Variants in BAG2 observed in about 807,000 individuals in gnomAD.
The protein encoded by BAG2 is BAG family molecular chaperone regulator 2.
In BAG2, 8 loss-of-function variants were observed where a neutral mutation model predicts 16.4. The ratio of observed to expected loss-of-function variants is 0.49; its 90% CI spans 0.29 to 0.88. The LOEUF is 0.88. Among genes scored for constraint, BAG2 ranks in the 40% least tolerant of loss-of-function variants. The pLI is 0.09. For synonymous variants in BAG2, 82 were observed against 89.2 expected (o/e 0.92, Z 0.46); for missense variants, 218 against 248.9 (o/e 0.88, Z 0.84).
At chr6:57,174,131 A>T (rs1764210339) in intron 1 of BAG2, 1 of 969,138 alleles carries the variant, frequency 1.0e-6, no homozygotes, top group Admixed American at 4.2e-5. Flanking sequence ...CTCCCAGAAA[A>T]AGTAGAGCGA....
rs777618296 is a variant in BAG2, at chr6:57,184,005, G to A, written c.451G>A (p.Val151Ile). Residue 151 changes from valine to isoleucine, a missense_variant, in exon 3 of 3, where the codon GTT becomes ATT. Physicochemically the swap from Val to Ile is conservative, Grantham distance 29 (BLOSUM62 3). This residue lies in a region of BAG2 where 113 missense variants were observed against 128.0 expected (regional missense o/e 0.88). Coordinates refer to ENST00000370693, the MANE Select transcript of BAG2 (RefSeq NM_004282.4). ...ACSSEVPHGP[V>I]DQKFQSIVIG... ...TTCATCTGAGGTGCCACATGGGCCA[G>A]TTGATCAGAAGTTTCAATCCATAGT... 13 of 1,612,674 alleles carry A rather than the reference G, an allele frequency of 8.1e-6. No individual in the cohort carries two copies. The highest frequency in any genetic ancestry group is 5.3e-5 in the African/African-American group (4 of 74,866).
At position 57,172,810 on chromosome 6, in the gene BAG2, G is replaced by A; in HGVS notation, c.113G>A (p.Arg38Lys). The part of the protein sequence containing the change: ...LLESLDQLEL[R>K]VEALREAATA... ...GAGAGCCTGGACCAGCTGGAGCTCAGGTGAGCTCCGGGCGGGCGGTCTCGG... is the reference window on the plus strand; with the variant it reads ...GAGAGCCTGGACCAGCTGGAGCTCAAGTGAGCTCCGGGCGGGCGGTCTCGG... Residue 38 changes from arginine to lysine, a missense_variant and splice_region_variant, in exon 1 of 3, where the codon AGG becomes AAG. Physicochemically the swap from Arg to Lys is conservative, Grantham distance 26 (BLOSUM62 2). Transcript: ENST00000370693. The A allele has an allele frequency of 2.3e-5, 35 of 1,527,434 alleles. No homozygotes were observed. Among genetic ancestry groups the A allele is most frequent in the Non-Finnish European group, 3.1e-5 (35 of 1,136,672 alleles). The allele number at this position is 1,527,434 out of a possible 1,614,324, so 94.6% of individuals were successfully genotyped here.
At chr6:57,173,723 A>T (rs1275585682) in intron 1 of BAG2, 1 of 183,732 alleles carries the variant, frequency 5.4e-6, no homozygotes, top group Non-Finnish European at 1.0e-5. Context: ...TTAAAAGAAA[A>T]TCTTGTTAGG....
intron 1 of BAG2, among the ~76,000 whole-genome samples, chr6:57,179,959 T>TAAAAAAAAAAAAAA (rs199881391): frequency 1.2e-4 from 17 of 144,374 alleles, no homozygotes; most frequent in African/African-American, 3.6e-4. Flanking sequence ...GACCTTTTCT[T>TAAAAAAAAAAAAAA]AAAAAAAAAA....
At position 57,172,535 on chromosome 6, in the gene BAG2, T is replaced by C; in HGVS notation, c.-163T>C. On this transcript the variant is annotated 5_prime_UTR_variant, in exon 1 of 3. Coordinates refer to ENST00000370693, the MANE Select transcript of BAG2 (RefSeq NM_004282.4). Reference sequence around the variant, plus strand: ...CGCGCCTGCCCTTCTTTGGCTACGCTGCAGCCGCGGTGTCGGCGAGTCCTC... The same window carrying C: ...CGCGCCTGCCCTTCTTTGGCTACGCCGCAGCCGCGGTGTCGGCGAGTCCTC... 1.9e-6 allele frequency: 1 copy of C among 520,962 alleles called. No individual in the cohort carries two copies. The highest frequency in any genetic ancestry group is 3.2e-6 in the Non-Finnish European group (1 of 309,322). The allele number at this position is 520,962 out of a possible 1,614,324, so 32.3% of individuals were successfully genotyped here.
At position 57,172,410 on chromosome 6, in the gene BAG2, C is replaced by A. The variant is rs1040453298; in HGVS notation, c.-288C>A. ...GAGACTTGCGCTCCCCAGGCCCGAGCCCCTGTCGGCCCATCCTCGAGCCCG... is the reference window on the plus strand; with the variant it reads ...GAGACTTGCGCTCCCCAGGCCCGAGACCCTGTCGGCCCATCCTCGAGCCCG... On this transcript the variant is annotated 5_prime_UTR_variant, in exon 1 of 3. Transcript: ENST00000370693. 3.1e-5 allele frequency: 7 copies of A among 228,036 alleles called. No homozygotes were observed. The highest frequency in any genetic ancestry group is 1.6e-4 in the African/African-American group (7 of 43,880). 14.1% of individuals were successfully genotyped at this position (228,036 alleles called of 1,614,324 possible). A position where few individuals can be genotyped will look rare whatever the true frequency, so the allele number is the denominator to read the frequency against.
chr6:57,184,035 G>A lies in BAG2; in HGVS notation c.481G>A (p.Gly161Ser). The change falls in exon 3 of 3, where the codon GGC (glycine) becomes AGC (serine). Residue 161 changes from glycine (G) to serine (S), a missense_variant. By Grantham distance (56) the Gly-to-Ser change is moderately conservative. Around this residue, in one of 3 missense-constraint regions of BAG2, gnomAD observed 113 missense variants for 128.0 expected, o/e 0.88. Transcript: ENST00000370693. Reference sequence around the variant, plus strand: ...TCAGAAGTTTCAATCCATAGTAATTGGCTGTGCTCTTGAAGATCAGAAGAA... The same window carrying A: ...TCAGAAGTTTCAATCCATAGTAATTAGCTGTGCTCTTGAAGATCAGAAGAA... ...VDQKFQSIVI[G>S]CALEDQKKIK... 6.2e-7 allele frequency: 1 copy of A among 1,612,966 alleles called. No individual in the cohort carries two copies. The highest frequency in any genetic ancestry group is 1.1e-5 in the South Asian group (1 of 90,692).
chr6:57,178,663 A>G lies in BAG2; in HGVS notation c.114-3369A>G, dbSNP rs1074170. ...TTGAAGAATGACATTTTACCCTTGC[A>G]TGAAATGAAAAAGGTATACATAAAA... On this transcript the variant is annotated intron_variant, in intron 1 of 2. Coordinates refer to ENST00000370693, the MANE Select transcript of BAG2 (RefSeq NM_004282.4). Among the ~76,000 whole-genome samples, 305 of 152,314 alleles carry G rather than the reference A, an allele frequency of 2.0e-3. 2 individuals are homozygous for G. The highest frequency in any genetic ancestry group is 7.9e-3 in the East Asian group (41 of 5,176).
chr6:57,177,263 A>G (rs1041266230), intron 1 of BAG2, among the ~76,000 whole-genome samples: 2 of 152,024 alleles, frequency 1.3e-5, no homozygotes, highest in African/African-American at 4.8e-5. Context: ...AAAAAATTCA[A>G]AAGTTAGCCA....
rs775042326 is a variant in BAG2, at chr6:57,184,220, C to T, written c.*30C>T. ...CAAACCTAAGAGCATTTACACAATA[C>T]ACAAGGTGTAAAAATGATAAAATAC... On this transcript the variant is annotated 3_prime_UTR_variant, in exon 3 of 3. Coordinates refer to ENST00000370693, the MANE Select transcript of BAG2 (RefSeq NM_004282.4). The T allele has an allele frequency of 1.4e-6, 2 of 1,477,210 alleles. No homozygotes were observed. The highest frequency in any genetic ancestry group is 8.9e-7 in the Non-Finnish European group (1 of 1,117,696). The allele number at this position is 1,477,210 out of a possible 1,614,324, so 91.5% of individuals were successfully genotyped here.
chr6:57,183,209 C>T (rs1764520679), intron 2 of BAG2, among the ~76,000 whole-genome samples: 1 of 152,184 alleles, frequency 6.6e-6, no homozygotes, highest in Non-Finnish European at 1.5e-5. Context: ...CAGGAGCTTG[C>T]TGACTTTCTC....
intron 1 of BAG2, among the ~76,000 whole-genome samples, chr6:57,177,952 T>C (rs1764330742): frequency 6.6e-6 from 1 of 152,220 alleles, no homozygotes. Context: ...GTCTTCCTAC[T>C]GAGTACTCTG....
rs1215512629 is a variant in BAG2 at position 57,186,982 on chromosome 6, T to TC, written c.*2793dup. On this transcript the variant is annotated 3_prime_UTR_variant, in exon 3 of 3. Transcript: ENST00000370693. ...CACACTGTTGATACAATCATACATA[T>TC]CACACAAAATTTTAGCTTTGAAATG... is the stretch of plus-strand genomic sequence containing the variant. 3.3e-5 allele frequency: 5 copies of TC among 152,182 alleles called. No homozygotes were observed. The highest frequency in any genetic ancestry group is 1.2e-4 in the African/African-American group (5 of 41,448). The allele number at this position is 152,182 out of a possible 1,614,324, so 9.4% of individuals were successfully genotyped here.
At chr6:57,177,574 A>G (rs1195387581) in intron 1 of BAG2, among the ~76,000 whole-genome samples, 1 of 152,200 alleles carries the variant, frequency 6.6e-6, no homozygotes, top group Non-Finnish European at 1.5e-5. Flanking sequence ...CTATAAATAT[A>G]TGCCAGTGCC....
chr6:57,182,225 CT>C, intron 2 of BAG2, 84 bp downstream of exon 2: 1 of 1,182,980 alleles, frequency 8.5e-7, no homozygotes. Flanking sequence ...TTTTGCTTGA[CT>C]TTTGGTATGC....
intron 1 of BAG2, among the ~76,000 whole-genome samples, chr6:57,178,446 A>T (rs1007715117): frequency 4.6e-5 from 7 of 152,210 alleles, no homozygotes; most frequent in Non-Finnish European, 7.3e-5. Context: ...TGGATGTACC[A>T]GGGCCAAAAG....
At position 57,172,720 on chromosome 6, in the gene BAG2, C is replaced by T. The variant is rs1157680914; in HGVS notation, c.23C>T (p.Ala8Val). ...TAGATGGCTCAGGCGAAGATCAACG[C>T]TAAAGCCAACGAGGGGCGCTTCTGC... Reference protein sequence around the residue: MAQAKINAKANEGRFCRS... With the variant: MAQAKINVKANEGRFCRS... The change falls in exon 1 of 3, where the codon GCT becomes GTT. Residue 8 changes from alanine (A) to valine (V), a missense_variant. Coordinates refer to ENST00000370693, the MANE Select transcript of BAG2 (RefSeq NM_004282.4). The T allele has an allele frequency of 6.3e-7, 1 of 1,579,246 alleles. No homozygotes were observed. Among genetic ancestry groups the T allele is most frequent in the East Asian group, 2.4e-5 (1 of 41,380 alleles).
intron 1 of BAG2, among the ~76,000 whole-genome samples, chr6:57,176,405 C>T (rs1314275144): frequency 1.3e-5 from 2 of 152,060 alleles, no homozygotes; most frequent in African/African-American, 4.8e-5. Context: ...AGATGAGCTT[C>T]CTCTAAGAGA....
chr6:57,172,767 C>G lies in BAG2; in HGVS notation c.70C>G (p.Arg24Gly). 6.3e-7 allele frequency: 1 copy of G among 1,576,580 alleles called. No homozygotes were observed. Among genetic ancestry groups the G allele is most frequent in the South Asian group, 1.2e-5 (1 of 85,722 alleles). The change falls in exon 1 of 3, where the codon CGC (arginine) becomes GGC (glycine). Residue 24 changes from arginine to glycine, a missense_variant. Around this residue, in one of 3 missense-constraint regions of BAG2, gnomAD observed 75 missense variants for 63.1 expected, o/e 1.19. Transcript: ENST00000370693. ...CTGCCGCTCCTCCTCCATGGCTGAC[C>G]GCTCCAGCCGCCTGCTGGAGAGCCT... ...RFCRSSSMAD[R>G]SSRLLESLDQ...
Sources: allele counts gnomAD v4.1 joint callset (sites outside exome capture counted in the v4.1 genomes callset), GRCh38; gene constraint gnomAD v4.1.1; regional missense constraint gnomAD v4.1.1; transcripts MANE v1.5; gene names NCBI Gene and HGNC (gene_info 2026-07-23, HGNC 2026-07-21).